The following DCBLD2 variants were observed in gnomAD, a reference collection of about 807,000 sequenced individuals.
The protein encoded by DCBLD2 is discoidin, CUB and LCCL domain containing 2.
A neutral mutation model predicts 86.8 loss-of-function variants in DCBLD2; 54 were observed. The ratio of observed to expected loss-of-function variants is 0.62; its 90% CI spans 0.50 to 0.78. The LOEUF is 0.78. DCBLD2 is among the 30% of genes least tolerant of loss of function. The probability of loss-of-function intolerance (pLI) is 0.00; values close to 1 mark genes in which losing one functional copy is unlikely to be tolerated. For synonymous variants in DCBLD2, 354 were observed against 341.3 expected, an observed-to-expected ratio of 1.04 and a Z score of -0.41; for missense variants, 908 against 954.2, an observed-to-expected ratio of 0.95 and a Z score of 0.64.
chr3:98,847,169 G>C (rs961723129), intron 3 of DCBLD2, among the ~76,000 whole-genome samples: 2 of 152,090 alleles, frequency 1.3e-5, no homozygotes, highest in African/African-American at 4.8e-5. Flanking sequence ...GTAGAAGGGG[G>C]GAAACTAACA....
Position 98,887,450 on chromosome 3 carries a change from T to G in DCBLD2, c.206-5683A>C, listed in dbSNP as rs554554188. Among the ~76,000 whole-genome samples the G allele has an allele frequency of 9.9e-4, 150 of 152,152 alleles. 1 individual carries two copies. The highest frequency in any genetic ancestry group is 3.3e-3 in the African/African-American group (139 of 41,554). On this transcript the variant is annotated intron_variant, in intron 1 of 15. Coordinates refer to ENST00000326840, the MANE Select transcript of DCBLD2 (RefSeq NM_080927.4). ...CCTTGTAATTGTGAGGTTTGTTAAG[T>G]TGCATCACTACAAATCTCAGATAAT...
At chr3:98,874,561 A>G (rs548049013) in intron 2 of DCBLD2, among the ~76,000 whole-genome samples, 1 of 152,334 alleles carries the variant, frequency 6.6e-6, no homozygotes, top group Admixed American at 6.5e-5. Context: ...AATGGAAATC[A>G]GTGGATACTT....
At chr3:98,805,869 G>A (rs981081904) in intron 13 of DCBLD2, among the ~76,000 whole-genome samples, 1 of 152,102 alleles carries the variant, frequency 6.6e-6, no homozygotes, top group Admixed American at 6.6e-5. Context: ...ATAACAGTGA[G>A]TTATACTTTA....
intron 3 of DCBLD2, among the ~76,000 whole-genome samples, chr3:98,835,895 G>C (rs1942431658): frequency 1.4e-5 from 2 of 140,720 alleles, no homozygotes; most frequent in South Asian, 4.7e-4. Flanking sequence ...GAGGGGAGGA[G>C]ATGAATTTTT....
intron 2 of DCBLD2, among the ~76,000 whole-genome samples, chr3:98,857,780 C>G (rs1435111447): frequency 6.6e-6 from 1 of 152,208 alleles, no homozygotes. Context: ...GAGCCACACA[C>G]AGGGTGCTGA....
chr3:98,837,787 C>A (rs1942499570), intron 3 of DCBLD2, among the ~76,000 whole-genome samples: 1 of 126,968 alleles, frequency 7.9e-6, no homozygotes. Flanking sequence ...GCGCCCCTCA[C>A]CTCCCAGACG....
intron 2 of DCBLD2, among the ~76,000 whole-genome samples, chr3:98,872,626 T>C (rs955219402): frequency 6.6e-6 from 1 of 151,962 alleles, no homozygotes; most frequent in Non-Finnish European, 1.5e-5. Context: ...TTATAGGCAA[T>C]AGGTAGAAAA....
At chr3:98,816,106 G>T (rs1344547421) in intron 9 of DCBLD2, 1 of 149,106 alleles carries the variant, frequency 6.7e-6, no homozygotes, top group Non-Finnish European at 1.5e-5. Context: ...ATGATAAAAA[G>T]AAAACCTTAA....
At chr3:98,846,618 C>T (rs1942728990) in intron 3 of DCBLD2, among the ~76,000 whole-genome samples, 1 of 152,142 alleles carries the variant, frequency 6.6e-6, no homozygotes, top group East Asian at 1.9e-4. Context: ...AATGAGATTT[C>T]CCAAGATGAT....
chr3:98,848,858 T>A (rs1942774666), intron 3 of DCBLD2, among the ~76,000 whole-genome samples: 1 of 152,194 alleles, frequency 6.6e-6, no homozygotes, highest in Non-Finnish European at 1.5e-5. Flanking sequence ...AACATTTCAA[T>A]AATTTATAAA....
In DCBLD2 at chr3:98,901,357, C is replaced by A. The variant is rs1289585104; in HGVS notation, c.-31G>T. On this transcript the variant is annotated 5_prime_UTR_variant, in exon 1 of 16. Transcript: ENST00000326840. The stretch of plus-strand genomic sequence containing the variant: ...CGGCCGGCAGTCTGCCTGCATAGTG[C>A]GGGTGCCTCGGCAGCCCCGCGCGCC... The A allele has an allele frequency of 4.6e-6, 6 of 1,307,672 alleles. No individual in the cohort carries two copies. Among genetic ancestry groups the A allele is most frequent in the Non-Finnish European group, 5.8e-6 (6 of 1,036,120 alleles). The allele number at this position is 1,307,672 out of a possible 1,614,324, so 81.0% of individuals were successfully genotyped here.
intron 1 of DCBLD2, among the ~76,000 whole-genome samples, chr3:98,888,423 T>C (rs1340433432): frequency 6.6e-6 from 1 of 152,026 alleles, no homozygotes; most frequent in Non-Finnish European, 1.5e-5. Flanking sequence ...ACAATCAATT[T>C]AAATGTCCTA....
At chr3:98,816,750 G>A (rs551524359) in intron 9 of DCBLD2, among the ~76,000 whole-genome samples, 1 of 152,168 alleles carries the variant, frequency 6.6e-6, no homozygotes, top group Non-Finnish European at 1.5e-5. Flanking sequence ...AAACTCATAG[G>A]AAAGTTTGAA....
intron 13 of DCBLD2, among the ~76,000 whole-genome samples, chr3:98,807,173 G>A (rs541167068): frequency 1.3e-5 from 2 of 152,208 alleles, no homozygotes; most frequent in South Asian, 4.1e-4. Context: ...ACTCTCCCAC[G>A]CCAAGCGTAC....
At chr3:98,843,906 T>C (rs1019190016) in intron 3 of DCBLD2, among the ~76,000 whole-genome samples, 1 of 152,148 alleles carries the variant, frequency 6.6e-6, no homozygotes, top group Non-Finnish European at 1.5e-5. Flanking sequence ...AGGCAAACTT[T>C]ATAGACTGAG....
chr3:98,853,305 C>A (rs1942873564), intron 2 of DCBLD2, among the ~76,000 whole-genome samples: 1 of 128,466 alleles, frequency 7.8e-6, no homozygotes, highest in Non-Finnish European at 1.6e-5. Flanking sequence ...TTCTGAATTT[C>A]CAACTTCTCT....
Position 98,811,507 on chromosome 3 carries a change from C to T in DCBLD2, c.1411G>A (p.Asp471Asn), listed in dbSNP as rs1470750881. The T allele has an allele frequency of 6.2e-7, 1 of 1,610,970 alleles. No individual in the cohort carries two copies. The highest frequency in any genetic ancestry group is 1.7e-5 in the Admixed American group (1 of 59,502). ...TQPPPPRNSN[D>N]LKNTTAPPKI... is the part of the protein sequence containing the mutation. The stretch of plus-strand genomic sequence containing the variant: ...GGAGGGGCTGTAGTGTTTTTGAGGT[C>T]ATTGCTGTTCCGAGGAGGTGGAGGT... The change falls in exon 11 of 16, where the codon GAC becomes AAC. Residue 471 changes from aspartate (D) to asparagine (N), a missense_variant. Transcript: ENST00000326840.
At chr3:98,850,253 G>C (rs910424468) in intron 2 of DCBLD2, among the ~76,000 whole-genome samples, 1 of 152,202 alleles carries the variant, frequency 6.6e-6, no homozygotes, top group South Asian at 2.1e-4. Flanking sequence ...CTGGGCCACA[G>C]TGGAAAAAGA....
chr3:98,839,960 G>A (rs199992098), intron 3 of DCBLD2, among the ~76,000 whole-genome samples: 1 of 152,150 alleles, frequency 6.6e-6, no homozygotes, highest in African/African-American at 2.4e-5. Context: ...TCTGAGAACA[G>A]GCAGCGGGAA....
Sources: allele counts gnomAD v4.1 joint callset (sites outside exome capture counted in the v4.1 genomes callset), GRCh38; gene constraint gnomAD v4.1.1; transcripts MANE v1.5; gene names NCBI Gene and HGNC (gene_info 2026-07-23, HGNC 2026-07-21).